Variants in AVEN observed in about 807,000 individuals in gnomAD.
AVEN encodes cell death regulator Aven.
Under a neutral mutation model 38.1 loss-of-function variants are expected in AVEN, and 41 were observed. The observed-to-expected ratio is 1.08, with a 90% CI of 0.84 to 1.40. AVEN has a LOEUF of 1.40. Ranked by LOEUF, AVEN falls within the 40% of genes most tolerant of loss-of-function variation. The probability of loss-of-function intolerance (pLI) is 0.00; values close to 1 mark genes in which losing one functional copy is unlikely to be tolerated. For synonymous variants in AVEN, 206 were observed against 171.8 expected (o/e 1.20, Z -1.56); for missense variants, 605 against 438.8 (o/e 1.38, Z -3.38).
chr15:33,864,050 G>C (rs1889513453), downstream of AVEN: 2 of 944,140 alleles, frequency 2.1e-6, no homozygotes, highest in Non-Finnish European at 3.3e-6. Flanking sequence ...GGACCAACTA[G>C]CCTTTCTGAG....
At chr15:33,889,705 T>C (rs1296856092) in intron 2 of AVEN, among the ~76,000 whole-genome samples, 1 of 152,238 alleles carries the variant, frequency 6.6e-6, no homozygotes, top group African/African-American at 2.4e-5. Flanking sequence ...GCAAATGACA[T>C]ACAGAGTAAT....
intron 2 of AVEN, among the ~76,000 whole-genome samples, chr15:33,891,603 C>T (rs1455793105): frequency 6.6e-6 from 1 of 152,102 alleles, no homozygotes; most frequent in Non-Finnish European, 1.5e-5. Flanking sequence ...TGTATATGTG[C>T]CACATTTTCT....
chr15:34,061,908 TACC>T (rs1900345924), intron 5 of AVEN, among the ~76,000 whole-genome samples: 1 of 152,206 alleles, frequency 6.6e-6, no homozygotes, highest in Non-Finnish European at 1.5e-5. Flanking sequence ...ATAGAATAGA[TACC>T]ACTTTTTCCC....
chr15:33,971,220 G>A (rs1311175494), intron 2 of AVEN, among the ~76,000 whole-genome samples: 2 of 152,018 alleles, frequency 1.3e-5, no homozygotes, highest in Non-Finnish European at 2.9e-5. Context: ...ATTCTGAACA[G>A]TCTTGGGATG....
intron 1 of AVEN, among the ~76,000 whole-genome samples, chr15:34,007,526 A>G (rs1440693786): frequency 6.6e-6 from 1 of 152,118 alleles, no homozygotes; most frequent in East Asian, 1.9e-4. Flanking sequence ...TTTAATGTCC[A>G]TATTTCTACC....
chr15:34,057,247 C>T (rs1057058197), intron 5 of AVEN, among the ~76,000 whole-genome samples: 1 of 151,946 alleles, frequency 6.6e-6, no homozygotes, highest in Non-Finnish European at 1.5e-5. Flanking sequence ...AGCGATTCTC[C>T]TGCCTCAGCA....
In AVEN at chr15:33,961,043, C is replaced by G. The variant is rs149676669; in HGVS notation, c.445+41989G>C. Among the ~76,000 whole-genome samples, 1,437 of 152,160 alleles carry G rather than the reference C, an allele frequency of 9.4e-3. 20 individuals carry two copies. Among genetic ancestry groups the G allele is most frequent in the African/African-American group, 0.025 (1,056 of 41,484 alleles). ...TGAGACAGAGTCTTGCTCTGCTGTC[C>G]AGGCTAGAGTGCACTGGTGAGAACT... On this transcript the variant is annotated intron_variant, in intron 2 of 5. Transcript: ENST00000306730.
intron 2 of AVEN, among the ~76,000 whole-genome samples, chr15:33,901,962 A>G (rs540529095): frequency 6.6e-6 from 1 of 152,244 alleles, no homozygotes; most frequent in East Asian, 1.9e-4. Flanking sequence ...CCTAGCCCAT[A>G]GGTTGCCTTT....
chr15:34,033,916 T>A (rs1344207420), intron 1 of AVEN, among the ~76,000 whole-genome samples: 2 of 152,036 alleles, frequency 1.3e-5, no homozygotes, highest in Non-Finnish European at 2.9e-5. Flanking sequence ...GCCTCCCAAG[T>A]AGCTGGGATT....
chr15:33,915,912 C>T (rs1207694032), intron 2 of AVEN, among the ~76,000 whole-genome samples: 1 of 152,134 alleles, frequency 6.6e-6, no homozygotes, highest in African/African-American at 2.4e-5. Context: ...CTTTACCCCA[C>T]CTTCCTGGTG....
At chr15:33,957,851 A>T (rs184786020) in intron 2 of AVEN, among the ~76,000 whole-genome samples, 141 of 152,288 alleles carry the variant, frequency 9.3e-4, no homozygotes, top group African/African-American at 3.2e-3. Flanking sequence ...AAAAAGGGTG[A>T]AGAGGGCCTT....
At chr15:33,854,354 A>T (rs1172241577), downstream of AVEN, 2 of 1,533,826 alleles carry the variant, frequency 1.3e-6, no homozygotes, top group African/African-American at 2.8e-5. Context: ...ACCTCTTGAC[A>T]TTTATAAGTT....
At chr15:33,950,083 G>A (rs1449265316) in intron 2 of AVEN, among the ~76,000 whole-genome samples, 1 of 152,180 alleles carries the variant, frequency 6.6e-6, no homozygotes, top group Admixed American at 6.5e-5. Context: ...GAACCTGGAG[G>A]ACATTATAAT....
In AVEN at chr15:34,010,867, A is replaced by G. The variant is rs1334087977; in HGVS notation, c.268-7658T>C. 6.6e-5 allele frequency among the ~76,000 whole-genome samples: 10 copies of G among 152,200 alleles called. No homozygotes were observed. In the South Asian group the frequency reaches 1.2e-3, roughly 19 times the overall value. On this transcript the variant is annotated intron_variant, in intron 1 of 5. Coordinates refer to ENST00000306730, the MANE Select transcript of AVEN (RefSeq NM_020371.3). The stretch of plus-strand genomic sequence containing the variant: ...GATTAATAGTTAATTGCCAACTTTT[A>G]TATTTGTAAACCTATTAAGGTCATT...
At chr15:33,948,869 C>A (rs1894610727) in intron 2 of AVEN, among the ~76,000 whole-genome samples, 2 of 152,120 alleles carry the variant, frequency 1.3e-5, no homozygotes, top group South Asian at 4.2e-4. Context: ...ACAGGGGATT[C>A]ATCATGATGG....
chr15:33,853,831 C>T, downstream of AVEN: 2 of 976,612 alleles, frequency 2.0e-6, no homozygotes, highest in Non-Finnish European at 2.9e-6. Context: ...TGGGAGAGCA[C>T]TGCCTTAAAA....
intron 2 of AVEN, among the ~76,000 whole-genome samples, chr15:33,985,220 C>T (rs1896371384): frequency 6.6e-6 from 1 of 151,898 alleles, no homozygotes; most frequent in Non-Finnish European, 1.5e-5. Flanking sequence ...CATGAGACAC[C>T]TGGGCCAGAG....
intron 2 of AVEN, among the ~76,000 whole-genome samples, chr15:33,912,886 T>C (rs1892966593): frequency 9.3e-6 from 1 of 107,648 alleles, no homozygotes; most frequent in African/African-American, 3.6e-5. Context: ...GTAAAAGGCA[T>C]AATTTTTTTT....
At chr15:33,854,399 A>G (rs2079427198), downstream of AVEN, 2 of 1,574,260 alleles carry the variant, frequency 1.3e-6, no homozygotes, top group Non-Finnish European at 1.7e-6. Context: ...GCTAAGTTCC[A>G]TAGACATGAA....
Sources: gnomAD v4.1 joint callset for allele counts (sites outside exome capture counted in the v4.1 genomes callset) on GRCh38, gnomAD v4.1.1 for gene constraint, MANE v1.5 for transcripts, NCBI Gene and HGNC (gene_info 2026-07-23, HGNC 2026-07-21) for gene names.